The following PAX7 variants were observed in gnomAD, a reference collection of about 807,000 sequenced individuals.
PAX7 encodes the protein paired box protein Pax-7.
A neutral mutation model predicts 50.7 loss-of-function variants in PAX7; 18 were observed. That is an observed-to-expected ratio of 0.36 (90% CI 0.25 to 0.53). PAX7 has a LOEUF of 0.53. PAX7 is among the 20% of genes least tolerant of loss of function. The pLI is 0.93. For synonymous variants in PAX7, 310 were observed against 290.4 expected (o/e 1.07, Z -0.69); for missense variants, 644 against 702.9 (o/e 0.92, Z 0.95).
intron 8 of PAX7, among the ~76,000 whole-genome samples, chr1:18,741,053 A>G (rs1931102369): frequency 6.6e-6 from 1 of 152,248 alleles, no homozygotes; most frequent in Admixed American, 6.5e-5. Flanking sequence ...GATAGAAGGA[A>G]TAAGCTCTAG....
chr1:18,710,092 G>GCACAC (rs2089332078), intron 7 of PAX7, among the ~76,000 whole-genome samples: 1 of 152,190 alleles, frequency 6.6e-6, no homozygotes, highest in South Asian at 2.1e-4. Context: ...TCCATCAATG[G>GCACAC]CACACCTACT....
At chr1:18,672,084 C>T (rs923627882) in intron 4 of PAX7, among the ~76,000 whole-genome samples, 4 of 152,146 alleles carry the variant, frequency 2.6e-5, no homozygotes, top group African/African-American at 9.7e-5. Flanking sequence ...GAGTATGGCA[C>T]ATACAGGGCA....
intron 4 of PAX7, among the ~76,000 whole-genome samples, chr1:18,652,414 T>C (rs1238176161): frequency 6.6e-6 from 1 of 152,182 alleles, no homozygotes; most frequent in Non-Finnish European, 1.5e-5. Context: ...AAGAGCAGGT[T>C]CACCAATACG....
intron 5 of PAX7, among the ~76,000 whole-genome samples, chr1:18,698,313 G>T (rs2089174941): frequency 7.2e-6 from 1 of 138,932 alleles, no homozygotes; most frequent in South Asian, 2.4e-4. Context: ...TACACACAAA[G>T]GAAAACAAAA....
At chr1:18,662,484 C>T (rs965888414) in intron 4 of PAX7, among the ~76,000 whole-genome samples, 9 of 152,232 alleles carry the variant, frequency 5.9e-5, no homozygotes, top group African/African-American at 1.7e-4. Flanking sequence ...TAGATTCACA[C>T]TTCTACTTGG....
chr1:18,656,184 G>C (rs2088516209), intron 4 of PAX7, among the ~76,000 whole-genome samples: 2 of 152,178 alleles, frequency 1.3e-5, no homozygotes, highest in Non-Finnish European at 2.9e-5. Flanking sequence ...TTGTTGCTGT[G>C]ATTGATGATC....
Position 18,703,108 on chromosome 1 carries a change from G to C in PAX7, c.967G>C (p.Val323Leu), listed in dbSNP as rs373451557. The change falls in exon 7 of 9, where the codon GTG becomes CTG. Residue 323 changes from valine to leucine, a missense_variant. Physicochemically the swap from Val to Leu is conservative, Grantham distance 32 (BLOSUM62 1). Transcript: ENST00000420770. ...TCTCTCTACAGATGGGGGCAGCACT[G>C]TGCACCGGCCTCAGCCCCTGCCACC... ...TTISQDGGST[V>L]HRPQPLPPST... The C allele has an allele frequency of 1.2e-6, 2 of 1,613,668 alleles. No individual in the cohort carries two copies. Among genetic ancestry groups the C allele is most frequent in the African/African-American group, 1.3e-5 (1 of 74,940 alleles).
intron 6 of PAX7, among the ~76,000 whole-genome samples, chr1:18,701,372 GTGAA>G (rs2089218830): frequency 1.3e-5 from 2 of 151,858 alleles, no homozygotes. Context: ...GTATGAGTGA[GTGAA>G]TGAGTGTGTG....
intron 4 of PAX7, among the ~76,000 whole-genome samples, chr1:18,646,877 C>CGCGGG (rs1397130302): frequency 6.8e-6 from 1 of 147,280 alleles, no homozygotes; most frequent in African/African-American, 2.5e-5. Flanking sequence ...CGGGGGGCGG[C>CGCGGG]GCGGGGCGGC....
intron 4 of PAX7, among the ~76,000 whole-genome samples, chr1:18,646,393 C>T (rs1438308255): frequency 2.6e-5 from 4 of 152,122 alleles, no homozygotes; most frequent in Non-Finnish European, 5.9e-5. Flanking sequence ...CGTCGACCCT[C>T]TTCCCCAAAA....
At chr1:18,645,144 G>A (rs2088317523) in intron 4 of PAX7, among the ~76,000 whole-genome samples, 1 of 152,320 alleles carries the variant, frequency 6.6e-6, no homozygotes, top group African/African-American at 2.4e-5. Flanking sequence ...GTGTGTGCGC[G>A]CGCGCGCGTG....
intron 8 of PAX7, among the ~76,000 whole-genome samples, chr1:18,739,278 C>T (rs546995587): frequency 6.6e-6 from 1 of 152,364 alleles, no homozygotes; most frequent in South Asian, 2.1e-4. Context: ...GTGGAGGCCA[C>T]TGAGCAGCGA....
rs545270412 is a variant in PAX7, at chr1:18,655,386, G to A, written c.586+19015G>A. Among the ~76,000 whole-genome samples the A allele has an allele frequency of 5.9e-5, 9 of 152,308 alleles. No homozygotes were observed. In the South Asian group the frequency reaches 1.9e-3, roughly 32 times the overall value. Reference sequence around the variant, plus strand: ...TGGGTTTGAATCAAATTTCTCATTGGGGACTCAGTGGGGGAGGAAAGTCCA... The same window carrying A: ...TGGGTTTGAATCAAATTTCTCATTGAGGACTCAGTGGGGGAGGAAAGTCCA... On this transcript the variant is annotated intron_variant, in intron 4 of 8. Transcript: ENST00000420770.
At chr1:18,644,465 A>C (rs1159396519) in intron 4 of PAX7, among the ~76,000 whole-genome samples, 1 of 152,150 alleles carries the variant, frequency 6.6e-6, no homozygotes, top group Non-Finnish European at 1.5e-5. Context: ...ATAGGCTAAA[A>C]CCGAAAAAAT....
intron 7 of PAX7, among the ~76,000 whole-genome samples, chr1:18,717,986 C>T (rs183645396): frequency 1.4e-3 from 217 of 152,298 alleles, no homozygotes; most frequent in African/African-American, 4.9e-3. Context: ...CCTAGAGCCC[C>T]GACTCTGCTG....
chr1:18,669,247 T>C (rs1332138920), intron 4 of PAX7, among the ~76,000 whole-genome samples: 2 of 152,206 alleles, frequency 1.3e-5, no homozygotes, highest in Non-Finnish European at 2.9e-5. Context: ...GTCCTCAGTC[T>C]CTAAAGCTAT....
chr1:18,657,571 C>A (rs962472742), intron 4 of PAX7, among the ~76,000 whole-genome samples: 1 of 152,170 alleles, frequency 6.6e-6, no homozygotes, highest in Non-Finnish European at 1.5e-5. Context: ...GAGCTAGAGA[C>A]CTGGTCTCCT....
chr1:18,702,651 C>T (rs1486591518), intron 6 of PAX7, among the ~76,000 whole-genome samples: 4 of 152,154 alleles, frequency 2.6e-5, no homozygotes, highest in South Asian at 4.2e-4. Flanking sequence ...CCCACCAAGC[C>T]TTGGTTTCTT....
chr1:18,726,799 G>A lies in PAX7; in HGVS notation c.1156-8833G>A, dbSNP rs964680945. On this transcript the variant is annotated intron_variant, in intron 7 of 8. Transcript: ENST00000420770. This position sits in a 1 kb window ranked among gnomAD's most constrained non-coding sequence, Gnocchi z 4.8. Reference sequence around the variant, plus strand: ...CTTTCCTCTTCACTCAGACAGAGCCGGCCTCATGAGTCTTTCCAAGTCTGT... The same window carrying A: ...CTTTCCTCTTCACTCAGACAGAGCCAGCCTCATGAGTCTTTCCAAGTCTGT... Among the ~76,000 whole-genome samples the A allele has an allele frequency of 2.3e-4, 35 of 152,144 alleles. No homozygotes were observed. The highest frequency in any genetic ancestry group is 2.0e-3 in the Admixed American group (30 of 15,274).
Sources: allele counts gnomAD v4.1 joint callset (sites outside exome capture counted in the v4.1 genomes callset), GRCh38; gene constraint gnomAD v4.1.1; non-coding constraint Gnocchi (gnomAD v3.1); transcripts MANE v1.5; gene names NCBI Gene and HGNC (gene_info 2026-07-23, HGNC 2026-07-21).